PTPRN2: variants seen among roughly 807,000 people sequenced by gnomAD.
The protein encoded by PTPRN2 is receptor-type tyrosine-protein phosphatase N2.
Under a neutral mutation model 118.8 loss-of-function variants are expected in PTPRN2, and 74 were observed. The ratio of observed to expected loss-of-function variants is 0.62; its 90% CI spans 0.52 to 0.76. The LOEUF (loss-of-function observed/expected upper bound fraction) is 0.76. Among genes scored for constraint, PTPRN2 ranks in the 30% least tolerant of loss-of-function variants. The pLI is 0.00. For missense variants in PTPRN2, 1,481 were observed against 1,394.4 expected, an observed-to-expected ratio of 1.06 and a Z score of -0.99; for synonymous variants, 641 against 608.0, an observed-to-expected ratio of 1.05 and a Z score of -0.80.
In PTPRN2 at chr7:157,780,249, G is replaced by A. The variant is rs376631488; in HGVS notation, c.1789-97312C>T. Reference sequence around the variant, plus strand: ...GTTCCTCAGAGCAAGGCATTTGCTCGCTCCCCTTGCTCCTTACACACGGCC... The same window carrying A: ...GTTCCTCAGAGCAAGGCATTTGCTCACTCCCCTTGCTCCTTACACACGGCC... On this transcript the variant is annotated intron_variant, in intron 12 of 22. Transcript: ENST00000389418. The surrounding 1 kb of genome is among the most constrained non-coding windows in gnomAD (Gnocchi z 4.5). Among the ~76,000 whole-genome samples, 34 of 152,276 alleles carry A rather than the reference G, an allele frequency of 2.2e-4. No individual in the cohort carries two copies. The highest frequency in any genetic ancestry group is 1.9e-3 in the South Asian group (9 of 4,826).
rs547909342 is a variant in PTPRN2 at position 158,053,286 on chromosome 7, C to T, written c.1723+28012G>A. On this transcript the variant is annotated intron_variant, in intron 11 of 22. Coordinates refer to ENST00000389418, the MANE Select transcript of PTPRN2 (RefSeq NM_002847.5). ...CTGACACTGTAGGAAAATCTCACAA[C>T]TGGAGCAGATGAGCCATAGTGACTG... is the stretch of plus-strand genomic sequence containing the variant. Among the ~76,000 whole-genome samples, 6 of 152,276 alleles carry T rather than the reference C, an allele frequency of 3.9e-5. No individual in the cohort carries two copies. The South Asian group carries it at 1.2e-3, about 32-fold the overall frequency.
chr7:158,221,215 T>A (rs1414713975), intron 3 of PTPRN2, among the ~76,000 whole-genome samples: 1 of 152,066 alleles, frequency 6.6e-6, no homozygotes, highest in Non-Finnish European at 1.5e-5. Flanking sequence ...CAAAAATCAA[T>A]TTAAGATGGC....
chr7:157,709,045 G>T (rs1158360963), intron 12 of PTPRN2, among the ~76,000 whole-genome samples: 7 of 152,208 alleles, frequency 4.6e-5, no homozygotes, highest in Non-Finnish European at 8.8e-5. Flanking sequence ...TGGACCCTCA[G>T]GCGGCAGAGG....
chr7:157,946,240 A>G (rs1800479168), intron 11 of PTPRN2, among the ~76,000 whole-genome samples: 1 of 152,046 alleles, frequency 6.6e-6, no homozygotes, highest in Non-Finnish European at 1.5e-5. Flanking sequence ...CAGCTGGCCC[A>G]TGCCTCATGG....
chr7:157,781,768 T>G (rs1002698121), intron 12 of PTPRN2, among the ~76,000 whole-genome samples: 1 of 152,176 alleles, frequency 6.6e-6, no homozygotes, highest in African/African-American at 2.4e-5. Context: ...AAAACGTATA[T>G]TACTTCAGCC....
intron 3 of PTPRN2, among the ~76,000 whole-genome samples, chr7:158,246,761 A>G (rs1796278238): frequency 6.6e-6 from 1 of 151,976 alleles, no homozygotes; most frequent in Non-Finnish European, 1.5e-5. Context: ...CAGTGAATCC[A>G]GGGGTGACGT....
chr7:158,079,024 G>A (rs1253456616), intron 11 of PTPRN2, among the ~76,000 whole-genome samples: 2 of 151,978 alleles, frequency 1.3e-5, no homozygotes, highest in Admixed American at 1.3e-4. Context: ...TGTATTTTTA[G>A]TAGAGATGGG....
At chr7:157,778,296 C>T (rs775393102) in intron 12 of PTPRN2, among the ~76,000 whole-genome samples, 267 of 152,266 alleles carry the variant, frequency 1.8e-3, no homozygotes, top group Non-Finnish European at 2.8e-3. Context: ...CGAATGCCCA[C>T]GTAAACATGT....
At position 157,772,058 on chromosome 7, in the gene PTPRN2, A is replaced by G. The variant is rs1802870981; in HGVS notation, c.1789-89121T>C. 2.0e-5 allele frequency among the ~76,000 whole-genome samples: 3 copies of G among 151,484 alleles called. No homozygotes were observed. In the South Asian group the frequency reaches 6.3e-4, roughly 32 times the overall value. On this transcript the variant is annotated intron_variant, in intron 12 of 22. Transcript: ENST00000389418. Reference sequence around the variant, plus strand: ...TGCACAGACACCCACACATAGAAATACACACAGATACACACACAGAACACA... The same window carrying G: ...TGCACAGACACCCACACATAGAAATGCACACAGATACACACACAGAACACA...
chr7:157,820,308 C>A (rs1436758850), intron 12 of PTPRN2, among the ~76,000 whole-genome samples: 3 of 151,182 alleles, frequency 2.0e-5, no homozygotes, highest in Non-Finnish European at 3.0e-5. Context: ...CACAGCAGAC[C>A]CACACACGTT....
At position 158,316,837 on chromosome 7, in the gene PTPRN2, G is replaced by C; in HGVS notation, c.259C>G (p.Gln87Glu). 6.2e-7 allele frequency: 1 copy of C among 1,605,820 alleles called. No homozygotes were observed. Reference protein sequence around the residue: ...VALQRLRVALQKLSGTGFTWQ... With the variant: ...VALQRLRVALEKLSGTGFTWQ... ...GCCCTACCTGTGCCGGAAAGCTTCT[G>C]CAACGCCACGCGCAGGCGCTGCAGG... The change falls in exon 3 of 23, where the codon CAG becomes GAG. Residue 87 changes from glutamine (Q) to glutamate (E), a missense_variant. Coordinates refer to ENST00000389418, the MANE Select transcript of PTPRN2 (RefSeq NM_002847.5).
chr7:158,272,908 C>T (rs1263642892), intron 3 of PTPRN2, among the ~76,000 whole-genome samples: 1 of 152,124 alleles, frequency 6.6e-6, no homozygotes, highest in Non-Finnish European at 1.5e-5. Flanking sequence ...GGCTGTGTTG[C>T]CCCCCAGCCC....
At chr7:158,028,845 G>T (rs1378374862) in intron 11 of PTPRN2, 1 of 152,488 alleles carries the variant, frequency 6.6e-6, no homozygotes, top group African/African-American at 2.4e-5. Flanking sequence ...GGGAGCGTGG[G>T]GAGAGTCCAG....
Position 158,438,320 on chromosome 7 carries a change from T to C in PTPRN2, c.163+51415A>G, listed in dbSNP as rs1816722560. On this transcript the variant is annotated intron_variant, in intron 2 of 22. Coordinates refer to ENST00000389418, the MANE Select transcript of PTPRN2 (RefSeq NM_002847.5). The surrounding 1 kb of genome is among the most constrained non-coding windows in gnomAD (Gnocchi z 4.7). The stretch of plus-strand genomic sequence containing the variant: ...TGAACCTGGGAGGCAGAAGTTGCAG[T>C]GCCACTGCACTCCAACCTGGGCAAC... 6.6e-6 allele frequency among the ~76,000 whole-genome samples: 1 copy of C among 151,630 alleles called. No homozygotes were observed. Among genetic ancestry groups the C allele is most frequent in the Admixed American group, 6.6e-5 (1 of 15,228 alleles).
intron 12 of PTPRN2, among the ~76,000 whole-genome samples, chr7:157,742,655 G>A (rs572684926): frequency 1.2e-4 from 18 of 152,108 alleles, no homozygotes; most frequent in Non-Finnish European, 2.5e-4. Flanking sequence ...GGGACTGTTC[G>A]CCTGAGCAGC....
intron 10 of PTPRN2, among the ~76,000 whole-genome samples, chr7:158,089,764 A>G (rs1813894176): frequency 7.9e-6 from 1 of 126,502 alleles, no homozygotes; most frequent in Non-Finnish European, 1.7e-5. Flanking sequence ...TCTTCCCCTG[A>G]TGAAAAGGGG....
At chr7:158,199,022 C>G (rs1826428243) in intron 4 of PTPRN2, among the ~76,000 whole-genome samples, 1 of 152,048 alleles carries the variant, frequency 6.6e-6, no homozygotes, top group African/African-American at 2.4e-5. Flanking sequence ...TTAGCATGTT[C>G]CCAGGTTCTT....
intron 12 of PTPRN2, among the ~76,000 whole-genome samples, chr7:157,731,432 C>G (rs930463501): frequency 6.6e-6 from 1 of 152,192 alleles, no homozygotes; most frequent in Non-Finnish European, 1.5e-5. Context: ...AGAGGTCTCC[C>G]TGGGGACAGG....
intron 11 of PTPRN2, among the ~76,000 whole-genome samples, chr7:157,983,925 G>A (rs528357087): frequency 1.1e-3 from 160 of 152,240 alleles, no homozygotes; most frequent in Non-Finnish European, 1.6e-3. Context: ...CTGAAACTGC[G>A]GCACAGTAAG....
Sources: gnomAD v4.1 joint callset for allele counts (sites outside exome capture counted in the v4.1 genomes callset) on GRCh38, gnomAD v4.1.1 for gene constraint, Gnocchi (gnomAD v3.1) non-coding constraint, MANE v1.5 for transcripts, NCBI Gene and HGNC (gene_info 2026-07-23, HGNC 2026-07-21) for gene names.